Variants in ANXA10 observed in about 807,000 individuals in gnomAD.
ANXA10 encodes the protein annexin 14.
In ANXA10, 49 loss-of-function variants were observed where a neutral mutation model predicts 53.5. That is an observed-to-expected ratio of 0.92 (90% confidence interval 0.73 to 1.16). The LOEUF (loss-of-function observed/expected upper bound fraction) is 1.16, where lower values mean the gene tolerates loss of function less well. Among genes scored for constraint, ANXA10 ranks in the 50% most tolerant of loss-of-function variants. The pLI is 0.00. For missense variants in ANXA10, 393 were observed against 394.4 expected (o/e 1.00, Z 0.03); for synonymous variants, 131 against 128.9 (o/e 1.02, Z -0.11).
At chr4:168,115,256 C>T (rs1276202190) in intron 1 of ANXA10, among the ~76,000 whole-genome samples, 1 of 152,042 alleles carries the variant, frequency 6.6e-6, no homozygotes, top group Non-Finnish European at 1.5e-5. Flanking sequence ...TGCTGAATAA[C>T]CCTATCATGG....
intron 1 of ANXA10, among the ~76,000 whole-genome samples, chr4:168,107,767 C>A (rs1455118078): frequency 6.6e-6 from 1 of 152,142 alleles, no homozygotes; most frequent in African/African-American, 2.4e-5. Flanking sequence ...AAATTTTTCT[C>A]ATAAAGATAC....
intron 1 of ANXA10, among the ~76,000 whole-genome samples, chr4:168,095,332 C>G (rs552870993): frequency 5.9e-5 from 9 of 152,056 alleles, no homozygotes; most frequent in African/African-American, 1.7e-4. Flanking sequence ...CTTTTGACCT[C>G]TAATAGGATT....
chr4:168,119,369 T>C (rs1453867006), intron 1 of ANXA10, among the ~76,000 whole-genome samples: 1 of 152,194 alleles, frequency 6.6e-6, no homozygotes, highest in Non-Finnish European at 1.5e-5. Flanking sequence ...TGATTGCAGA[T>C]GTCCTTGACT....
At chr4:168,145,427 T>C (rs538456978) in intron 3 of ANXA10, among the ~76,000 whole-genome samples, 66 of 152,346 alleles carry the variant, frequency 4.3e-4, no homozygotes, top group African/African-American at 1.6e-3. Flanking sequence ...TTACCATCTT[T>C]GTTTCAAAGT....
intron 1 of ANXA10, among the ~76,000 whole-genome samples, chr4:168,115,322 A>G (rs1221580385): frequency 3.3e-5 from 5 of 151,920 alleles, no homozygotes; most frequent in Admixed American, 2.6e-4. Context: ...ATCTATTCCA[A>G]CTCACCTCTA....
intron 3 of ANXA10, among the ~76,000 whole-genome samples, chr4:168,147,717 C>T (rs974665860): frequency 3.9e-5 from 6 of 152,168 alleles, no homozygotes; most frequent in South Asian, 2.1e-4. Context: ...TTACTTTCAC[C>T]GATGAGTCCA....
intron 2 of ANXA10, among the ~76,000 whole-genome samples, chr4:168,134,565 T>C (rs1731207008): frequency 6.6e-6 from 1 of 152,202 alleles, no homozygotes; most frequent in African/African-American, 2.4e-5. Context: ...CTATTTATTA[T>C]CAAATATATG....
At chr4:168,146,272 A>C (rs988020819) in intron 3 of ANXA10, among the ~76,000 whole-genome samples, 1 of 152,180 alleles carries the variant, frequency 6.6e-6, no homozygotes, top group Non-Finnish European at 1.5e-5. Context: ...AAAGCCAAAA[A>C]CATGGCACAG....
intron 1 of ANXA10, among the ~76,000 whole-genome samples, chr4:168,092,999 G>T (rs1238305632): frequency 6.6e-6 from 1 of 151,996 alleles, no homozygotes. Flanking sequence ...GAAGATTAAA[G>T]ATTTGGATTT....
At chr4:168,185,893 T>C (rs1257939956) in intron 11 of ANXA10, among the ~76,000 whole-genome samples, 1 of 152,188 alleles carries the variant, frequency 6.6e-6, no homozygotes, top group African/African-American at 2.4e-5. Context: ...ACAGAAGACT[T>C]TGTAGGCCTC....
chr4:168,124,631 T>C (rs371278558), intron 1 of ANXA10, among the ~76,000 whole-genome samples: 23 of 152,294 alleles, frequency 1.5e-4, no homozygotes, highest in African/African-American at 4.8e-4. Context: ...TCTCACTCAG[T>C]TGGATTGCAA....
chr4:168,122,321 G>A (rs946235939), intron 1 of ANXA10, among the ~76,000 whole-genome samples: 1 of 152,188 alleles, frequency 6.6e-6, no homozygotes, highest in African/African-American at 2.4e-5. Flanking sequence ...ACTGAGATCA[G>A]GTGGTTAGAA....
At chr4:168,140,261 C>T (rs551802627) in intron 3 of ANXA10, among the ~76,000 whole-genome samples, 1 of 152,324 alleles carries the variant, frequency 6.6e-6, no homozygotes, top group East Asian at 1.9e-4. Context: ...ATTACTTCAT[C>T]AGCTGAGCTT....
At chr4:168,178,241 A>G in intron 8 of ANXA10, 1 of 438,140 alleles carries the variant, frequency 2.3e-6, no homozygotes, top group Non-Finnish European at 4.1e-6. Flanking sequence ...TTGATGGAGT[A>G]CTTATTCAAA....
intron 3 of ANXA10, among the ~76,000 whole-genome samples, chr4:168,156,410 GTATATAT>G (rs1354307259): frequency 5.5e-5 from 1 of 18,088 alleles, no homozygotes; most frequent in African/African-American, 2.0e-4. Flanking sequence ...ATATTATATA[GTATATAT>G]TATATATACT....
intron 1 of ANXA10, among the ~76,000 whole-genome samples, chr4:168,119,002 G>C (rs1407888036): frequency 1.3e-5 from 2 of 151,964 alleles, no homozygotes; most frequent in African/African-American, 4.8e-5. Context: ...AACTCAACTA[G>C]CTGAAAATAT....
intron 3 of ANXA10, among the ~76,000 whole-genome samples, chr4:168,148,023 A>C (rs374152972): frequency 1.8e-4 from 28 of 152,228 alleles, no homozygotes; most frequent in African/African-American, 6.5e-4. Flanking sequence ...GGCCTACACA[A>C]AGTCCTCCAT....
At chr4:168,177,683 C>A in intron 6 of ANXA10, 57 bp from the exon 7 acceptor site, 2 of 1,543,882 alleles carry the variant, frequency 1.3e-6, no homozygotes, top group Non-Finnish European at 1.8e-6. Flanking sequence ...TCTCACTAAT[C>A]CAATATGAGT....
intron 6 of ANXA10, among the ~76,000 whole-genome samples, chr4:168,175,913 G>T (rs1183023330): frequency 6.6e-6 from 1 of 152,074 alleles, no homozygotes; most frequent in Non-Finnish European, 1.5e-5. Context: ...CTAGCTTTTT[G>T]TTATCAAGAA....
Sources: allele counts gnomAD v4.1 joint callset (sites outside exome capture counted in the v4.1 genomes callset), GRCh38; gene constraint gnomAD v4.1.1; transcripts MANE v1.5; gene names NCBI Gene and HGNC (gene_info 2026-07-23, HGNC 2026-07-21).